Variants in U2AF2 observed in about 807,000 individuals in gnomAD.
The protein encoded by U2AF2 is U2 small nuclear RNA auxiliary factor 2, also known as splicing factor U2AF 65 kDa subunit.
In U2AF2, 6 loss-of-function variants were observed where a neutral mutation model predicts 52.6. That is an observed-to-expected ratio of 0.11 (90% CI 0.06 to 0.23). U2AF2 has a LOEUF of 0.23. U2AF2 is among the 10% of genes least tolerant of loss of function. The probability of loss-of-function intolerance (pLI) is 1.00; values close to 1 mark genes in which losing one functional copy is unlikely to be tolerated. For synonymous variants in U2AF2, 284 were observed against 258.2 expected, an observed-to-expected ratio of 1.10 and a Z score of -0.96; for missense variants, 222 against 677.1, an observed-to-expected ratio of 0.33 and a Z score of 7.46.
At chr19:55,662,223 A>AT in intron 5 of U2AF2, 2 of 346,974 alleles carry the variant, frequency 5.8e-6, no homozygotes, top group Middle Eastern at 7.8e-4. Flanking sequence ...CTTTCCCCTG[A>AT]TTTTTTGGGG....
chr19:55,659,049 T>C (rs540607), intron 1 of U2AF2, 161 bp from the exon 2 acceptor site: 865,342 of 1,205,342 alleles, frequency 0.72, 313,137 homozygotes, highest in East Asian at 0.8. Flanking sequence ...CTGGACTCGC[T>C]TGTGGACCCA....
chr19:55,656,726 A>T (rs993363226), intron 1 of U2AF2, among the ~76,000 whole-genome samples: 1 of 152,232 alleles, frequency 6.6e-6, no homozygotes, highest in African/African-American at 2.4e-5. Context: ...AAAAGTTAAA[A>T]ACTTTCTCAG....
chr19:55,669,376 C>G, intron 10 of U2AF2, 68 bp from the exon 11 acceptor site: 1 of 1,553,196 alleles, frequency 6.4e-7, no homozygotes. Flanking sequence ...TGTGAGGGGC[C>G]TAGGCTTGAG....
rs552738744 is a variant in U2AF2 at position 55,660,997 on chromosome 19, T to C, written c.335-41T>C. The C allele has an allele frequency of 2.0e-5, 30 of 1,537,920 alleles. No individual in the cohort carries two copies. The East Asian group carries it at 7.1e-4, about 37-fold the overall frequency. ...GTGGTGAGGGGTGGTCACTGAGCATTCCCCTGATGGGGTTTTATCCGGCTT... is the reference window on the plus strand; with the variant it reads ...GTGGTGAGGGGTGGTCACTGAGCATCCCCCTGATGGGGTTTTATCCGGCTT... On this transcript the variant is annotated intron_variant, in intron 4 of 11. Coordinates refer to ENST00000308924, the MANE Select transcript of U2AF2 (RefSeq NM_007279.3).
At chr19:55,670,204 C>A (rs1354474861) in intron 11 of U2AF2, among the ~76,000 whole-genome samples, 1 of 152,038 alleles carries the variant, frequency 6.6e-6, no homozygotes, top group Non-Finnish European at 1.5e-5. Flanking sequence ...GTGGCTCACA[C>A]TGGCAGGTTT....
intron 4 of U2AF2, 112 bp from the exon 5 acceptor site, chr19:55,660,926 C>A: frequency 6.8e-7 from 1 of 1,473,096 alleles, no homozygotes; most frequent in East Asian, 2.4e-5. Flanking sequence ...GTGCTAAGAC[C>A]GAGAGCCTGT....
chr19:55,657,593 G>T (rs1983876576), intron 1 of U2AF2, among the ~76,000 whole-genome samples: 1 of 152,190 alleles, frequency 6.6e-6, no homozygotes, highest in Non-Finnish European at 1.5e-5. Flanking sequence ...GAGGAGCTGT[G>T]CCCAGTGCCG....
intron 7 of U2AF2, 143 bp downstream of exon 7, chr19:55,663,887 T>A: frequency 8.1e-7 from 1 of 1,240,788 alleles, no homozygotes; most frequent in Admixed American, 2.4e-5. Flanking sequence ...TTCCCCTAAG[T>A]CTCTGTGAGT....
intron 11 of U2AF2, among the ~76,000 whole-genome samples, chr19:55,670,912 G>A (rs991495294): frequency 3.9e-5 from 6 of 152,236 alleles, no homozygotes; most frequent in Admixed American, 3.3e-4. Context: ...CAGCAGGAGG[G>A]CAGAGAGGGT....
intron 11 of U2AF2, chr19:55,670,584 G>T: frequency 4.4e-6 from 1 of 228,422 alleles, no homozygotes; most frequent in African/African-American, 2.5e-5. Flanking sequence ...GCCGTATTGA[G>T]TCGGGGCAGG....
intron 7 of U2AF2, among the ~76,000 whole-genome samples, chr19:55,665,572 T>C (rs892406998): frequency 6.6e-6 from 1 of 152,072 alleles, no homozygotes; most frequent in Non-Finnish European, 1.5e-5. Flanking sequence ...GTGCCCTCCA[T>C]GCACGGCAGT....
chr19:55,674,100 G>A lies in U2AF2; in HGVS notation c.*32G>A. ...CTGGGGGAGGGTGGGGGCAGGGCTG[G>A]CTGGGGGCTTCTCCCCACTCCCGCC... On this transcript the variant is annotated 3_prime_UTR_variant, in exon 12 of 12. Transcript: ENST00000308924. 1 of 1,552,458 alleles carries A rather than the reference G, an allele frequency of 6.4e-7. No homozygotes were observed.
At chr19:55,660,296 C>A in intron 3 of U2AF2, 75 bp downstream of exon 3, 1 of 1,525,292 alleles carries the variant, frequency 6.6e-7, no homozygotes, top group Non-Finnish European at 8.9e-7. Flanking sequence ...CACCCTGTCC[C>A]GCCCATTTCC....
intron 11 of U2AF2, 49 bp downstream of exon 11, chr19:55,669,741 T>A (rs1330325613): frequency 6.5e-7 from 1 of 1,530,010 alleles, no homozygotes; most frequent in Non-Finnish European, 8.8e-7. Flanking sequence ...CCCCTCCTCT[T>A]CTCCGCGCCC....
chr19:55,655,270 C>A, intron 1 of U2AF2, 117 bp downstream of exon 1: 2 of 1,148,282 alleles, frequency 1.7e-6, no homozygotes, highest in South Asian at 1.5e-5. Context: ...CGCCCCCCAA[C>A]CCTGGTTCCG....
At position 55,669,449 on chromosome 19, in the gene U2AF2, C is replaced by T. The variant is rs779838237; in HGVS notation, c.1050C>T (p.Thr350=). The change falls in exon 11 of 12, where the codon ACC becomes ACT. Residue 350 remains threonine (T), a synonymous_variant. Coordinates refer to ENST00000308924, the MANE Select transcript of U2AF2 (RefSeq NM_007279.3). ...TGCCTCCCCTGGCCCCACAGAGCAC[C>T]ATCAATCAGACGCCTGTGACCCTGC... The part of the protein sequence containing the change: ...KNATLVSPPS[T]INQTPVTLQV... 1 of 1,603,938 alleles carries T rather than the reference C, an allele frequency of 6.2e-7. No individual in the cohort carries two copies. Among genetic ancestry groups the T allele is most frequent in the South Asian group, 1.1e-5 (1 of 89,758 alleles).
intron 5 of U2AF2, chr19:55,661,869 T>C (rs1158770632): frequency 1.3e-5 from 2 of 152,542 alleles, no homozygotes; most frequent in Non-Finnish European, 2.9e-5. Flanking sequence ...ACCTGCACTT[T>C]GCTACATTTG....
In U2AF2 at chr19:55,668,850, C is replaced by G; in HGVS notation, c.945+58C>G. The G allele has an allele frequency of 3.8e-6, 6 of 1,573,650 alleles. No individual in the cohort carries two copies. Among genetic ancestry groups the G allele is most frequent in the Non-Finnish European group, 3.5e-6 (4 of 1,156,082 alleles). ...TGTCCTTCCCTGCCCTGCGCTGTTG[C>G]CAAGCCATGGTCTCCCCTCCTCAGG... On this transcript the variant is annotated intron_variant, in intron 9 of 11. Transcript: ENST00000308924. This position sits in a 1 kb window ranked among gnomAD's most constrained non-coding sequence, Gnocchi z 5.5.
In U2AF2 at chr19:55,655,445, A is replaced by G. The variant is rs574864633; in HGVS notation, c.49+292A>G. Among the ~76,000 whole-genome samples the G allele has an allele frequency of 3.9e-5, 6 of 152,356 alleles. No individual in the cohort carries two copies. The East Asian group carries it at 1.2e-3, about 29-fold the overall frequency. ...GCGGGGGACGCGGCACGAGCGCGCC[A>G]GATGCCTCGACGTGAACTTTTGTTT... On this transcript the variant is annotated intron_variant, in intron 1 of 11. Transcript: ENST00000308924.
Sources: gnomAD v4.1 joint callset for allele counts (sites outside exome capture counted in the v4.1 genomes callset) on GRCh38, gnomAD v4.1.1 for gene constraint, Gnocchi (gnomAD v3.1) non-coding constraint, MANE v1.5 for transcripts, NCBI Gene and HGNC (gene_info 2026-07-23, HGNC 2026-07-21) for gene names.